The following DPP6 variants were observed in gnomAD, a reference collection of about 807,000 sequenced individuals.
DPP6 encodes A-type potassium channel modulatory protein DPP6.
In DPP6, 69 loss-of-function variants were observed where a neutral mutation model predicts 122.6. The ratio of observed to expected loss-of-function variants is 0.56; its 90% CI spans 0.46 to 0.69. DPP6 has a LOEUF of 0.69. DPP6 is among the 30% of genes least tolerant of loss of function. DPP6 has a pLI of 0.00. For missense variants in DPP6, 928 were observed against 1,116.9 expected (o/e 0.83, Z 2.41); for synonymous variants, 418 against 433.1 (o/e 0.97, Z 0.43).
At chr7:154,382,619 G>GT (rs1466154636) in intron 1 of DPP6, among the ~76,000 whole-genome samples, 6 of 152,334 alleles carry the variant, frequency 3.9e-5, no homozygotes, top group Non-Finnish European at 5.9e-5. Context: ...CTCTTCATGT[G>GT]TTTTTTCTCC....
intron 3 of DPP6, among the ~76,000 whole-genome samples, chr7:154,522,090 G>A (rs567524774): frequency 9.4e-4 from 143 of 152,076 alleles, no homozygotes; most frequent in African/African-American, 2.7e-3. Flanking sequence ...CAGCTTCCCG[G>A]GTAGCTGGGA....
intron 6 of DPP6, among the ~76,000 whole-genome samples, chr7:154,664,929 G>T (rs1838053606): frequency 6.6e-6 from 1 of 152,094 alleles, no homozygotes; most frequent in South Asian, 2.1e-4. Flanking sequence ...ATTAACATGG[G>T]TGCCATATTG....
At chr7:154,126,277 G>T (rs973337187) in intron 1 of DPP6, among the ~76,000 whole-genome samples, 1 of 152,134 alleles carries the variant, frequency 6.6e-6, no homozygotes, top group African/African-American at 2.4e-5. Flanking sequence ...GTGAAATAGG[G>T]CTATGATGAG....
chr7:154,399,114 C>T (rs1025813302), intron 1 of DPP6, among the ~76,000 whole-genome samples: 1 of 152,056 alleles, frequency 6.6e-6, no homozygotes, highest in East Asian at 1.9e-4. Context: ...GCGAGAGAGA[C>T]CAAAGCAACA....
At chr7:153,884,263 T>C (rs953719381), upstream of DPP6, among the ~76,000 whole-genome samples, 6 of 152,240 alleles carry the variant, frequency 3.9e-5, no homozygotes, top group African/African-American at 1.4e-4. Flanking sequence ...ATGCGTTGTT[T>C]GGTTTTTTGT....
At chr7:153,901,483 G>T (rs986978241) in intron 1 of DPP6, among the ~76,000 whole-genome samples, 6 of 152,294 alleles carry the variant, frequency 3.9e-5, no homozygotes, top group South Asian at 4.1e-4. Flanking sequence ...ACTGCAGTTT[G>T]GTTAGAAGAG....
At chr7:153,826,320 A>G in the DPP6 span, among the ~76,000 whole-genome samples, 4 of 152,340 alleles carry the variant, frequency 2.6e-5, no homozygotes, top group African/African-American at 9.6e-5. Flanking sequence ...ACCAAAGTGA[A>G]CACACATTTG....
At chr7:154,795,945 C>A in intron 12 of DPP6, 62 bp downstream of exon 12, 1 of 1,562,928 alleles carries the variant, frequency 6.4e-7, no homozygotes, top group Admixed American at 2.1e-5. Context: ...AGGGCTGGCC[C>A]TCAGAGCTTC....
At chr7:154,784,173 AT>A (rs1414091775) in intron 10 of DPP6, among the ~76,000 whole-genome samples, 1 of 152,112 alleles carries the variant, frequency 6.6e-6, no homozygotes, top group Non-Finnish European at 1.5e-5. Context: ...AACAGTGCAC[AT>A]CCAAGCTTCG....
chr7:154,564,349 T>A (rs537698671), intron 4 of DPP6, among the ~76,000 whole-genome samples: 82 of 152,172 alleles, frequency 5.4e-4, no homozygotes, highest in African/African-American at 1.8e-3. Flanking sequence ...AAAACGTGGA[T>A]AGTAAGGATC....
rs1554590149 is a variant in DPP6 at position 154,575,442 on chromosome 7, G to GTGTGTGTGTGTGTGGTA, written c.627+8533_627+8534insGTGTGTGGTATGTGTGT. Among the ~76,000 whole-genome samples, 18 of 104,746 alleles carry GTGTGTGTGTGTGTGGTA rather than the reference G, an allele frequency of 1.7e-4. No individual in the cohort carries two copies. The South Asian group carries it at 2.3e-3, about 13-fold the overall frequency. The allele number at this position is 104,746 out of a possible 152,430, so 68.7% of individuals were successfully genotyped here. On this transcript the variant is annotated intron_variant, in intron 5 of 25. Coordinates refer to ENST00000377770, the MANE Select transcript of DPP6 (RefSeq NM_130797.4). ...TGTGTGTGTGGTGTGTATGTGTGTG[G>GTGTGTGTGTGTGTGGTA]TGTGTGTATGTGTGTGNGCGGGTGT...
intron 1 of DPP6, among the ~76,000 whole-genome samples, chr7:154,006,417 T>G (rs1405044228): frequency 6.6e-6 from 1 of 152,070 alleles, no homozygotes; most frequent in East Asian, 1.9e-4. Context: ...TGGGTTCTGT[T>G]ATCCATGGTT....
rs1361367629 is a variant in DPP6, at chr7:154,575,334, GGTGT to G, written c.627+8423_627+8426del. The stretch of plus-strand genomic sequence containing the variant: ...GTGTGTGGTGTGTGTATGTGTGTGT[GGTGT>G]GTGTATGTGTGTGTGGTGTGTGTGT... On this transcript the variant is annotated intron_variant, in intron 5 of 25. Transcript: ENST00000377770. Among the ~76,000 whole-genome samples the G allele has an allele frequency of 2.9e-3, 327 of 112,368 alleles. 3 individuals are homozygous for G. Among genetic ancestry groups the G allele is most frequent in the African/African-American group, 9.2e-3 (259 of 28,112 alleles). The allele number at this position is 112,368 out of a possible 152,430, so 73.7% of individuals were successfully genotyped here.
Position 154,463,934 on chromosome 7 carries a change from A to T in DPP6, c.359-11005A>T, listed in dbSNP as rs374441377. Among the ~76,000 whole-genome samples, 23 of 152,256 alleles carry T rather than the reference A, an allele frequency of 1.5e-4. No individual in the cohort carries two copies. The South Asian group carries it at 4.6e-3, about 30-fold the overall frequency. On this transcript the variant is annotated intron_variant, in intron 2 of 25. Transcript: ENST00000377770. Reference sequence around the variant, plus strand: ...GCTGCCTTGGGTTTGTGAAGAGGTGATGCAAGCACTCCCTTGGCCACCCCA... The same window carrying T: ...GCTGCCTTGGGTTTGTGAAGAGGTGTTGCAAGCACTCCCTTGGCCACCCCA...
chr7:154,066,242 T>C (rs967067363), intron 1 of DPP6, among the ~76,000 whole-genome samples: 2 of 152,006 alleles, frequency 1.3e-5, no homozygotes, highest in African/African-American at 4.8e-5. Context: ...GTATTCTTAG[T>C]AGAGATGGGG....
At chr7:154,112,033 T>G (rs71203921) in intron 1 of DPP6, among the ~76,000 whole-genome samples, 3 of 152,058 alleles carry the variant, frequency 2.0e-5, no homozygotes, top group Non-Finnish European at 4.4e-5. Flanking sequence ...TCCTTTACTC[T>G]CCCAGATTCT....
chr7:154,752,789 G>T (rs561982722), intron 8 of DPP6, among the ~76,000 whole-genome samples: 13 of 152,330 alleles, frequency 8.5e-5, no homozygotes, highest in South Asian at 2.1e-4. Context: ...GAGCCAGAAG[G>T]TTCTGGGGGT....
intron 1 of DPP6, among the ~76,000 whole-genome samples, chr7:154,019,933 C>T: frequency 6.6e-6 from 1 of 152,074 alleles, no homozygotes; most frequent in East Asian, 1.9e-4. Flanking sequence ...CCTTCATTCA[C>T]TTTGGTGTCT....
chr7:154,476,305 AC>A (rs2151352844), intron 3 of DPP6, among the ~76,000 whole-genome samples: 1 of 152,348 alleles, frequency 6.6e-6, no homozygotes, highest in Non-Finnish European at 1.5e-5. Context: ...AAATTAAAAA[AC>A]AAAACAAAAC....
Sources: allele counts gnomAD v4.1 joint callset (sites outside exome capture counted in the v4.1 genomes callset), GRCh38; gene constraint gnomAD v4.1.1; transcripts MANE v1.5; gene names NCBI Gene and HGNC (gene_info 2026-07-23, HGNC 2026-07-21).